LRRC4C: variants seen among roughly 807,000 people sequenced by gnomAD.
The protein encoded by LRRC4C is leucine-rich repeat-containing protein 4C.
Under a neutral mutation model 33.6 loss-of-function variants are expected in LRRC4C, and 5 were observed. That is an observed-to-expected ratio of 0.15 (90% CI 0.08 to 0.31). The LOEUF (loss-of-function observed/expected upper bound fraction) is 0.31, where lower values mean the gene tolerates loss of function less well. LRRC4C is among the 10% of genes least tolerant of loss of function. The probability of loss-of-function intolerance (pLI) is 1.00; values close to 1 mark genes in which losing one functional copy is unlikely to be tolerated. For missense variants in LRRC4C, 560 were observed against 796.7 expected (o/e 0.70, Z 3.58); for synonymous variants, 329 against 302.0 (o/e 1.09, Z -0.93).
chr11:40,672,030 T>TCC (rs1944149458), intron 2 of LRRC4C, among the ~76,000 whole-genome samples: 1 of 152,224 alleles, frequency 6.6e-6, no homozygotes, highest in Admixed American at 6.5e-5. Flanking sequence ...AGTTGTTAGT[T>TCC]ACTCATCACT....
chr11:40,652,828 C>A (rs976608987), intron 2 of LRRC4C, among the ~76,000 whole-genome samples: 19 of 152,300 alleles, frequency 1.2e-4, no homozygotes, highest in African/African-American at 4.6e-4. Flanking sequence ...TATGGTTTGA[C>A]TCTGTGTCTC....
At position 40,467,361 on chromosome 11, in the gene LRRC4C, C is replaced by T. The variant is rs575700924; in HGVS notation, c.-269-147640G>A. Among the ~76,000 whole-genome samples the T allele has an allele frequency of 6.2e-4, 95 of 152,056 alleles. 1 individual carries two copies. The highest frequency in any genetic ancestry group is 1.1e-3 in the Non-Finnish European group (74 of 67,980). ...TTATTACTTTGAACTAGAGAATTGC[C>T]GTATCAATTACTAAGGGTGTATTGA... On this transcript the variant is annotated intron_variant, in intron 3 of 6. Transcript: ENST00000528697.
At chr11:40,776,594 G>T (rs1469189073) in intron 2 of LRRC4C, among the ~76,000 whole-genome samples, 1 of 151,870 alleles carries the variant, frequency 6.6e-6, no homozygotes, top group Non-Finnish European at 1.5e-5. Flanking sequence ...TGTCATTTCT[G>T]ATTGTGCTTA....
At chr11:40,984,322 A>AAAAG (rs202086093) in intron 1 of LRRC4C, among the ~76,000 whole-genome samples, 3 of 150,152 alleles carry the variant, frequency 2.0e-5, no homozygotes, top group South Asian at 2.1e-4. Context: ...AAAGAAAAAG[A>AAAAG]AAAGAAAGAA....
At chr11:40,996,379 T>C (rs550721563) in intron 1 of LRRC4C, among the ~76,000 whole-genome samples, 14 of 152,000 alleles carry the variant, frequency 9.2e-5, no homozygotes, top group Non-Finnish European at 1.9e-4. Flanking sequence ...ATAAAACTAA[T>C]GAGAAAAAAA....
intron 2 of LRRC4C, among the ~76,000 whole-genome samples, chr11:40,699,032 G>C (rs900255816): frequency 6.6e-6 from 1 of 152,052 alleles, no homozygotes; most frequent in Non-Finnish European, 1.5e-5. Context: ...TCATGGATGA[G>C]TTTCCTACTA....
At chr11:41,012,660 T>C (rs1855293168) in intron 1 of LRRC4C, among the ~76,000 whole-genome samples, 2 of 152,190 alleles carry the variant, frequency 1.3e-5, no homozygotes, top group South Asian at 2.1e-4. Context: ...AGAACCTCCA[T>C]AGAGTTTTAC....
chr11:40,368,948 CA>C (rs10713609), intron 3 of LRRC4C, among the ~76,000 whole-genome samples: 4,760 of 151,922 alleles, frequency 0.031, 233 homozygotes, highest in African/African-American at 0.1. Context: ...AGATTAATTC[CA>C]TGTTGTAAAT....
chr11:40,663,499 T>C lies in LRRC4C; in HGVS notation c.-406-15221A>G, dbSNP rs77654606. Among the ~76,000 whole-genome samples, 1,380 of 152,202 alleles carry C rather than the reference T, an allele frequency of 9.1e-3. 25 individuals carry two copies. The highest frequency in any genetic ancestry group is 0.032 in the African/African-American group (1,331 of 41,518). On this transcript the variant is annotated intron_variant, in intron 2 of 6. Coordinates refer to ENST00000528697, the MANE Select transcript of LRRC4C (RefSeq NM_001258419.2). ...GACACATTTTCTATTATAAGACAGG[T>C]AGAAATGTCAAAATGTTGGATATGA... is the stretch of plus-strand genomic sequence containing the variant.
At chr11:40,694,480 AAC>A (rs1945391431) in intron 2 of LRRC4C, among the ~76,000 whole-genome samples, 1 of 152,172 alleles carries the variant, frequency 6.6e-6, no homozygotes, top group African/African-American at 2.4e-5. Context: ...AATTCAGAGA[AAC>A]AGAATTCCTG....
chr11:40,336,127 A>G (rs1946586711), intron 3 of LRRC4C, among the ~76,000 whole-genome samples: 1 of 152,168 alleles, frequency 6.6e-6, no homozygotes, highest in Non-Finnish European at 1.5e-5. Context: ...GATGATGGCG[A>G]TATAATAGCA....
chr11:41,433,032 A>C (rs1955296051), intron 1 of LRRC4C, among the ~76,000 whole-genome samples: 1 of 152,158 alleles, frequency 6.6e-6, no homozygotes, highest in East Asian at 1.9e-4. Context: ...ATTCTACAGA[A>C]GGTCACCCTG....
At chr11:40,481,525 G>T (rs935974955) in intron 3 of LRRC4C, among the ~76,000 whole-genome samples, 1 of 151,898 alleles carries the variant, frequency 6.6e-6, no homozygotes, top group Non-Finnish European at 1.5e-5. Context: ...ATTCAGTAAC[G>T]GTCACCATAA....
chr11:41,052,830 A>G (rs1381162800), intron 1 of LRRC4C, among the ~76,000 whole-genome samples: 2 of 152,196 alleles, frequency 1.3e-5, no homozygotes, highest in East Asian at 1.9e-4. Context: ...TGATAATTAC[A>G]TTTGCTTTTA....
chr11:41,072,239 G>T (rs1276617123), intron 1 of LRRC4C, among the ~76,000 whole-genome samples: 1 of 48,360 alleles, frequency 2.1e-5, no homozygotes, highest in East Asian at 8.6e-4. Flanking sequence ...ATGCTATAGA[G>T]AAATCTTTCT....
intron 1 of LRRC4C, among the ~76,000 whole-genome samples, chr11:41,425,257 C>T (rs1401534796): frequency 6.6e-6 from 1 of 151,944 alleles, no homozygotes; most frequent in Non-Finnish European, 1.5e-5. Context: ...ATTTAGGCAC[C>T]CGAACCTGAG....
chr11:40,601,026 T>G (rs548830766), intron 3 of LRRC4C, among the ~76,000 whole-genome samples: 1 of 152,322 alleles, frequency 6.6e-6, no homozygotes, highest in South Asian at 2.1e-4. Context: ...TTTAAGATGT[T>G]GCTTTCATTA....
intron 2 of LRRC4C, among the ~76,000 whole-genome samples, chr11:40,655,459 C>G (rs978408567): frequency 6.6e-6 from 1 of 152,034 alleles, no homozygotes; most frequent in Non-Finnish European, 1.5e-5. Flanking sequence ...ATTATTAAGT[C>G]TATGGGCTCT....
chr11:40,188,646 G>A (rs550715214), intron 5 of LRRC4C, among the ~76,000 whole-genome samples: 13 of 152,228 alleles, frequency 8.5e-5, no homozygotes, highest in African/African-American at 3.1e-4. Context: ...AGGCAGCAAG[G>A]TTCCTTTCTC....
Sources: allele counts gnomAD v4.1 joint callset (sites outside exome capture counted in the v4.1 genomes callset), GRCh38; gene constraint gnomAD v4.1.1; transcripts MANE v1.5; gene names NCBI Gene and HGNC (gene_info 2026-07-23, HGNC 2026-07-21).